Variants in FBN2 observed in about 807,000 individuals in gnomAD.
The protein encoded by FBN2 is fibrillin 2, also known as fibrillin-2.
FBN2 carries 105 observed loss-of-function variants against 355.6 expected under a neutral mutation model. The ratio of observed to expected loss-of-function variants is 0.30; its 90% confidence interval spans 0.25 to 0.35. The LOEUF (loss-of-function observed/expected upper bound fraction) is 0.35. Ranked by LOEUF, FBN2 falls within the 10% of genes least tolerant of loss-of-function variation. FBN2 has a pLI of 1.00. For synonymous variants in FBN2, 1,350 were observed against 1,301.2 expected (o/e 1.04, Z -0.81); for missense variants, 3,280 against 3,758.7 (o/e 0.87, Z 3.33).
intron 5 of FBN2, among the ~76,000 whole-genome samples, chr5:128,509,273 T>C (rs183743844): frequency 1.4e-4 from 22 of 152,314 alleles, no homozygotes; most frequent in Middle Eastern, 3.4e-3. Flanking sequence ...TCCTACATTC[T>C]TAAGCCTTTT....
chr5:128,308,020 A>G (rs1404967416), intron 41 of FBN2, among the ~76,000 whole-genome samples: 1 of 152,120 alleles, frequency 6.6e-6, no homozygotes, highest in African/African-American at 2.4e-5. Context: ...AATTGTCTGG[A>G]AATCTTCAAA....
rs563993613 is a variant in FBN2 at position 128,278,794 on chromosome 5, G to A, written c.7186C>T (p.Gln2396Ter). Residue 2396 changes from glutamine to a stop codon, truncating the protein, a stop_gained, in exon 57 of 65, where the codon CAA becomes TAA. Transcript: ENST00000262464. LOFTEE classifies it high-confidence loss of function. ...CFAEVLQTIC[Q>*]MASSSRNLVT... The stretch of plus-strand genomic sequence containing the variant: ...AGATTGCGACTACTGGATGCCATTT[G>A]ACATATTGTCTGCAGTACCTCTGCA... 6.2e-7 allele frequency: 1 copy of A among 1,614,050 alleles called. No homozygotes were observed. The highest frequency in any genetic ancestry group is 1.3e-5 in the African/African-American group (1 of 75,040).
At position 128,537,567 on chromosome 5, in the gene FBN2, A is replaced by G. The variant is rs957639025; in HGVS notation, c.37T>C (p.Phe13Leu). 5 of 1,605,458 alleles carry G rather than the reference A, an allele frequency of 3.1e-6. No individual in the cohort carries two copies. Among genetic ancestry groups the G allele is most frequent in the Non-Finnish European group, 4.2e-6 (5 of 1,177,440 alleles). ...AGCACCACACAGCCCAGCCACAGGA[A>G]GTAGAGCTGGAGACACAGCCTCCGT... ...RRRRLCLQLY[F>L]LWLGCVVLWA... Residue 13 changes from phenylalanine to leucine, a missense_variant, in exon 1 of 65, where the codon TTC becomes CTC. By Grantham distance (22) the Phe-to-Leu change is conservative (BLOSUM62 0). Transcript: ENST00000262464.
intron 4 of FBN2, among the ~76,000 whole-genome samples, chr5:128,520,710 A>G (rs1432097727): frequency 6.6e-6 from 1 of 152,168 alleles, no homozygotes; most frequent in Non-Finnish European, 1.5e-5. Flanking sequence ...TTGACCTTAA[A>G]GCGTCACTGT....
chr5:128,372,983 T>G (rs975421760), intron 15 of FBN2, among the ~76,000 whole-genome samples: 1 of 152,096 alleles, frequency 6.6e-6, no homozygotes, highest in Non-Finnish European at 1.5e-5. Flanking sequence ...TCAAAAGACA[T>G]GAAGAAAACA....
At chr5:128,476,125 C>T (rs1309382784) in intron 5 of FBN2, among the ~76,000 whole-genome samples, 2 of 151,656 alleles carry the variant, frequency 1.3e-5, no homozygotes, top group Non-Finnish European at 2.9e-5. Flanking sequence ...AAAAAGGTGA[C>T]CATTAGTTCA....
At chr5:128,519,214 A>G (rs1756364569) in intron 5 of FBN2, 59 bp downstream of exon 5, 3 of 1,190,032 alleles carry the variant, frequency 2.5e-6, no homozygotes, top group East Asian at 2.4e-5. Flanking sequence ...GCAAAAAATT[A>G]TACATTTTTA....
chr5:128,269,138 G>A (rs1765199021), intron 62 of FBN2, among the ~76,000 whole-genome samples: 1 of 151,874 alleles, frequency 6.6e-6, no homozygotes, highest in African/African-American at 2.4e-5. Flanking sequence ...CATCTGACCA[G>A]GCGCAGTGGC....
intron 27 of FBN2, 111 bp from the exon 28 acceptor site, chr5:128,336,224 G>T: frequency 2.9e-6 from 3 of 1,041,274 alleles, no homozygotes; most frequent in Non-Finnish European, 4.5e-6. Context: ...TACTTCACGA[G>T]GAAGTAAAAT....
chr5:128,321,465 C>T (rs1465023262), intron 34 of FBN2, among the ~76,000 whole-genome samples: 2 of 152,120 alleles, frequency 1.3e-5, no homozygotes, highest in African/African-American at 2.4e-5. Context: ...CTCCGACAGG[C>T]CCCAGTGTGT....
At position 128,422,586 on chromosome 5, in the gene FBN2, G is replaced by A. The variant is rs542728816; in HGVS notation, c.953-13787C>T. On this transcript the variant is annotated intron_variant, in intron 7 of 64. Transcript: ENST00000262464. ...TAATTAATGGCAAGAGTTAAAAGGA[G>A]TACAGAAAGGTGATGGAATTAATGT... Among the ~76,000 whole-genome samples the A allele has an allele frequency of 1.8e-4, 27 of 152,248 alleles. No homozygotes were observed. The South Asian group carries it at 5.2e-3, about 29-fold the overall frequency.
chr5:128,264,110 T>C (rs1765055380), intron 62 of FBN2, among the ~76,000 whole-genome samples: 1 of 152,198 alleles, frequency 6.6e-6, no homozygotes, highest in Non-Finnish European at 1.5e-5. Context: ...ACTGGTAGTA[T>C]TGATGACTGC....
At chr5:128,426,707 AG>A (rs1310189413) in intron 7 of FBN2, among the ~76,000 whole-genome samples, 1 of 152,178 alleles carries the variant, frequency 6.6e-6, no homozygotes, top group African/African-American at 2.4e-5. Flanking sequence ...TCAGTAATGA[AG>A]GGGCATGGTG....
intron 45 of FBN2, among the ~76,000 whole-genome samples, chr5:128,304,371 C>T (rs17676538): frequency 0.094 from 14,360 of 152,234 alleles, 768 homozygotes; most frequent in South Asian, 0.11. Context: ...CAAGTACTCA[C>T]TAAGCTCTAT....
intron 34 of FBN2, among the ~76,000 whole-genome samples, chr5:128,320,180 T>G (rs924675662): frequency 1.3e-5 from 2 of 152,068 alleles, no homozygotes; most frequent in Non-Finnish European, 2.9e-5. Flanking sequence ...TGTTAATTTA[T>G]ACTCAAAAAG....
chr5:128,454,794 A>G (rs1754340606), intron 6 of FBN2, among the ~76,000 whole-genome samples: 1 of 152,184 alleles, frequency 6.6e-6, no homozygotes, highest in Non-Finnish European at 1.5e-5. Context: ...CCTGTGTCCT[A>G]GCTAGGGCCT....
At chr5:128,337,863 T>C (rs1581225888) in intron 27 of FBN2, 134 bp downstream of exon 27, 1 of 912,532 alleles carries the variant, frequency 1.1e-6, no homozygotes. Flanking sequence ...TGCATCCAGA[T>C]GTAGGGAATC....
At chr5:128,271,612 T>C (rs150144129) in intron 62 of FBN2, among the ~76,000 whole-genome samples, 52 of 152,286 alleles carry the variant, frequency 3.4e-4, no homozygotes, top group African/African-American at 1.2e-3. Context: ...TAAGTTGATG[T>C]GAACTCCTTT....
At position 128,310,070 on chromosome 5, in the gene FBN2, GC is replaced by G; in HGVS notation, c.5112del (p.Pro1705LeufsTer31). On this transcript the variant is annotated frameshift_variant, in exon 40 of 65. Transcript: ENST00000262464. LOFTEE classifies it high-confidence loss of function. Reference protein sequence around the residue: ...DECFAHPGVCGPGTCYNTLGN... With the variant: ...DECFAHPGVCXPGTCYNTLGN... The stretch of plus-strand genomic sequence containing the variant: ...CCCAGGGTGTTATAGCAGGTCCCAG[GC>G]CCACACACACCAGGATGTGCAAAAC... 6.2e-7 allele frequency: 1 copy of G among 1,613,246 alleles called. No individual in the cohort carries two copies. The highest frequency in any genetic ancestry group is 8.5e-7 in the Non-Finnish European group (1 of 1,179,410).
Sources: gnomAD v4.1 joint callset for allele counts (sites outside exome capture counted in the v4.1 genomes callset) on GRCh38, gnomAD v4.1.1 for gene constraint, MANE v1.5 for transcripts, NCBI Gene and HGNC (gene_info 2026-07-23, HGNC 2026-07-21) for gene names.